The following PTPN2 variants were observed in gnomAD, a reference collection of about 807,000 sequenced individuals.
PTPN2 encodes protein tyrosine phosphatase non-receptor type 2.
Under a neutral mutation model 57.3 loss-of-function variants are expected in PTPN2, and 19 were observed. The observed-to-expected ratio is 0.33, with a 90% CI of 0.23 to 0.49. The LOEUF (loss-of-function observed/expected upper bound fraction) is 0.49, where lower values mean the gene tolerates loss of function less well. Among genes scored for constraint, PTPN2 ranks in the 20% least tolerant of loss-of-function variants. The pLI, the probability that PTPN2 is intolerant of heterozygous loss-of-function variation, is 0.99. For missense variants in PTPN2, 358 were observed against 501.1 expected (o/e 0.71, Z 2.73); for synonymous variants, 153 against 164.9 (o/e 0.93, Z 0.55).
At chr18:12,831,637 T>C (rs904777571) in intron 3 of PTPN2, among the ~76,000 whole-genome samples, 18 of 152,158 alleles carry the variant, frequency 1.2e-4, no homozygotes, top group Non-Finnish European at 2.5e-4. Context: ...GTCTGTACCA[T>C]CACTGGCCAG....
In PTPN2 at chr18:12,884,153, C is replaced by A. The variant is rs560012272; in HGVS notation, c.-12G>T. The A allele has an allele frequency of 5.1e-6, 8 of 1,571,450 alleles. No homozygotes were observed. In the South Asian group the frequency reaches 7.0e-5, roughly 14 times the overall value. Reference sequence around the variant, plus strand: ...ATGGTGGTGGGCATGGCTGCGGGAGCGAGCTGGCGCGAGCAGAGCCTGCGC... The same window carrying A: ...ATGGTGGTGGGCATGGCTGCGGGAGAGAGCTGGCGCGAGCAGAGCCTGCGC... On this transcript the variant is annotated 5_prime_UTR_variant, in exon 1 of 9. Transcript: ENST00000309660.
At chr18:12,786,161 G>A (rs2040839173) in intron 9 of PTPN2, 4 of 355,810 alleles carry the variant, frequency 1.1e-5, no homozygotes, top group Non-Finnish European at 1.5e-5. Context: ...GTGTGATACC[G>A]ACAGACAGAC....
downstream of PTPN2, among the ~76,000 whole-genome samples, chr18:12,791,315 AT>A (rs910972165): frequency 1.3e-3 from 197 of 152,110 alleles, no homozygotes; most frequent in African/African-American, 4.2e-3. Context: ...TAAAAGAAAC[AT>A]TTTTTTTATA....
In PTPN2 at chr18:12,817,252, G is replaced by T; in HGVS notation, c.609C>A (p.Gly203=). The T allele has an allele frequency of 1.2e-6, 2 of 1,614,150 alleles. No individual in the cohort carries two copies. Among genetic ancestry groups the T allele is most frequent in the African/African-American group, 1.3e-5 (1 of 75,034 alleles). The change falls in exon 6 of 9, where the codon GGC becomes GGA. Residue 203 remains glycine, a synonymous_variant. Transcript: ENST00000309660. ...LNFLFKVRES[G]SLNPDHGPAV... is the part of the protein sequence containing the mutation. ...CAGGCCCATGGTCAGGGTTCAAGGAGCCAGATTCTCTCACTTTAAACAAGA... is the reference window on the plus strand; with the variant it reads ...CAGGCCCATGGTCAGGGTTCAAGGATCCAGATTCTCTCACTTTAAACAAGA...
At chr18:12,868,548 C>T (rs2044074821) in intron 1 of PTPN2, among the ~76,000 whole-genome samples, 1 of 148,876 alleles carries the variant, frequency 6.7e-6, no homozygotes, top group African/African-American at 2.5e-5. Flanking sequence ...GAGCCATCAC[C>T]TTCATTTGTC....
At chr18:12,839,942 T>TA (rs56043954) in intron 2 of PTPN2, among the ~76,000 whole-genome samples, 17,710 of 144,352 alleles carry the variant, frequency 0.12, 1,280 homozygotes, top group East Asian at 0.28. Flanking sequence ...TCATAAGCTT[T>TA]AAAAAAAAAA....
chr18:12,854,782 A>G (rs1419543069), intron 2 of PTPN2, among the ~76,000 whole-genome samples: 2 of 152,232 alleles, frequency 1.3e-5, no homozygotes, highest in African/African-American at 4.8e-5. Context: ...AAATAAAGGC[A>G]AAGTGAGGAG....
chr18:12,800,614 T>C (rs1315307314), intron 8 of PTPN2, among the ~76,000 whole-genome samples: 2 of 152,162 alleles, frequency 1.3e-5, no homozygotes, highest in African/African-American at 4.8e-5. Flanking sequence ...ATGTTAGCAT[T>C]TATAAAATTT....
Position 12,794,081 on chromosome 18 carries a change from CA to C in PTPN2, c.*196del. On this transcript the variant is annotated 3_prime_UTR_variant, in exon 9 of 9. Coordinates refer to ENST00000309660, the MANE Select transcript of PTPN2 (RefSeq NM_002828.4). The stretch of plus-strand genomic sequence containing the variant: ...TGTCTTTATTTTAGACAGCCATTTA[CA>C]GTTTGGGGTTCAGAGGAACCTGCAG... 1.4e-6 allele frequency: 2 copies of C among 1,425,348 alleles called. No homozygotes were observed. Among genetic ancestry groups the C allele is most frequent in the Non-Finnish European group, 9.1e-7 (1 of 1,096,168 alleles). 88.3% of individuals were successfully genotyped at this position (1,425,348 alleles called of 1,614,324 possible). A position where few individuals can be genotyped will look rare whatever the true frequency, so the allele number is the denominator to read the frequency against.
At chr18:12,805,546 T>C (rs2041614670) in intron 7 of PTPN2, among the ~76,000 whole-genome samples, 1 of 152,116 alleles carries the variant, frequency 6.6e-6, no homozygotes, top group African/African-American at 2.4e-5. Flanking sequence ...CAAAGCCACG[T>C]TATGACAAAC....
Position 12,866,848 on chromosome 18 carries a change from A to G in PTPN2, c.70-7594T>C, listed in dbSNP as rs999084714. On this transcript the variant is annotated intron_variant, in intron 1 of 8. Coordinates refer to ENST00000309660, the MANE Select transcript of PTPN2 (RefSeq NM_002828.4). ...TGAAACTCCATCTCTACTAAAAAAT[A>G]CAAAAAATTAGCTGGCCATGGTGGT... is the stretch of plus-strand genomic sequence containing the variant. Among the ~76,000 whole-genome samples, 12 of 152,046 alleles carry G rather than the reference A, an allele frequency of 7.9e-5. 1 individual carries two copies. Among genetic ancestry groups the G allele is most frequent in the African/African-American group, 2.9e-4 (12 of 41,384 alleles).
chr18:12,877,815 T>C (rs2044540596), intron 1 of PTPN2, among the ~76,000 whole-genome samples: 1 of 151,270 alleles, frequency 6.6e-6, no homozygotes, highest in African/African-American at 2.4e-5. Context: ...ATCAAGACCA[T>C]CCTGGCTAAC....
intron 2 of PTPN2, among the ~76,000 whole-genome samples, chr18:12,850,250 G>T (rs2145440794): frequency 1.3e-5 from 2 of 152,216 alleles, no homozygotes; most frequent in Middle Eastern, 3.4e-3. Flanking sequence ...TAGCACTTTG[G>T]AAGGCCGAGG....
intron 2 of PTPN2, among the ~76,000 whole-genome samples, chr18:12,839,099 G>T (rs1336004369): frequency 6.6e-6 from 1 of 152,090 alleles, no homozygotes; most frequent in East Asian, 1.9e-4. Flanking sequence ...TATTGCAAAA[G>T]ATTGTGAATA....
At chr18:12,822,200 C>T (rs1283404890) in intron 5 of PTPN2, among the ~76,000 whole-genome samples, 1 of 150,468 alleles carries the variant, frequency 6.6e-6, no homozygotes, top group Non-Finnish European at 1.5e-5. Flanking sequence ...GTAGAATAAA[C>T]TGTTTAAACT....
intron 8 of PTPN2, among the ~76,000 whole-genome samples, chr18:12,797,513 T>G (rs547771990): frequency 1.1e-3 from 161 of 152,120 alleles, no homozygotes; most frequent in Non-Finnish European, 1.8e-3. Context: ...GAACAGAGGT[T>G]TTTGCTTTCC....
At chr18:12,854,164 G>C (rs2043493470) in intron 2 of PTPN2, among the ~76,000 whole-genome samples, 1 of 152,000 alleles carries the variant, frequency 6.6e-6, no homozygotes, top group Non-Finnish European at 1.5e-5. Context: ...TTTGAGACCA[G>C]CCTGGGCAAC....
intron 6 of PTPN2, among the ~76,000 whole-genome samples, chr18:12,814,585 T>TA (rs377665173): frequency 6.6e-6 from 1 of 152,334 alleles, no homozygotes; most frequent in African/African-American, 2.4e-5. Flanking sequence ...CTTTAGCTGA[T>TA]TCACAACTGA....
At position 12,794,095 on chromosome 18, in the gene PTPN2, G is replaced by C; in HGVS notation, c.*183C>G. The C allele has an allele frequency of 7.0e-7, 1 of 1,433,274 alleles. No homozygotes were observed. Among genetic ancestry groups the C allele is most frequent in the Non-Finnish European group, 9.1e-7 (1 of 1,099,832 alleles). 88.8% of individuals were successfully genotyped at this position (1,433,274 alleles called of 1,614,324 possible). A position where few individuals can be genotyped will look rare whatever the true frequency, so the allele number is the denominator to read the frequency against. On this transcript the variant is annotated 3_prime_UTR_variant, in exon 9 of 9. Transcript: ENST00000309660. Reference sequence around the variant, plus strand: ...ACAGCCATTTACAGTTTGGGGTTCAGAGGAACCTGCAGTCAAGAGTCCTGA... The same window carrying C: ...ACAGCCATTTACAGTTTGGGGTTCACAGGAACCTGCAGTCAAGAGTCCTGA...
Sources: gnomAD v4.1 joint callset for allele counts (sites outside exome capture counted in the v4.1 genomes callset) on GRCh38, gnomAD v4.1.1 for gene constraint, MANE v1.5 for transcripts, NCBI Gene and HGNC (gene_info 2026-07-23, HGNC 2026-07-21) for gene names.